Variants in OR4A15 observed in about 807,000 individuals in gnomAD.
OR4A15 encodes olfactory receptor family 4 subfamily A member 15, also known as olfactory receptor 4A15.
For synonymous variants in OR4A15, 240 were observed against 135.6 expected, an observed-to-expected ratio of 1.77 and a Z score of -5.35; for missense variants, 657 against 374.7, an observed-to-expected ratio of 1.75 and a Z score of -6.22.
At position 55,368,746 on chromosome 11, in the gene OR4A15, G is replaced by T. The variant is rs1316461406; in HGVS notation, c.773G>T (p.Arg258Met). The T allele has an allele frequency of 3.1e-6, 5 of 1,613,606 alleles. No individual in the cohort carries two copies. The African/African-American group carries it at 6.7e-5, about 22-fold the overall frequency. Reference sequence around the variant, plus strand: ...GTCCCCTGTATCTTCTTGTATGCAAGGCCCAATTCTACTTTTCCCATTGAT... The same window carrying T: ...GTCCCCTGTATCTTCTTGTATGCAATGCCCAATTCTACTTTTCCCATTGAT... The change falls in exon 1 of 1, where the codon AGG (arginine) becomes ATG (methionine). Residue 258 changes from arginine (R) to methionine (M), a missense_variant. By Grantham distance (91) the Arg-to-Met change is moderately conservative. Transcript: ENST00000641526.
exon 1 of OR4A15, chr11:55,368,162 T>C: frequency 6.2e-7 from 1 of 1,612,982 alleles, no homozygotes; most frequent in Non-Finnish European, 8.5e-7. Flanking sequence ...TTCTGGCTTC[T>C]TTATCATTCA....
At chr11:55,367,991 T>C (rs375132463) in exon 1 of OR4A15, 2 of 1,613,256 alleles carry the variant, frequency 1.2e-6, no homozygotes, top group African/African-American at 1.3e-5. Flanking sequence ...ATAAGAACAA[T>C]GTGACTGAAT....
chr11:55,368,081 G>A lies in OR4A15; in HGVS notation c.108G>A (p.Thr36=), dbSNP rs1262294062. 3.7e-6 allele frequency: 6 copies of A among 1,613,194 alleles called. No homozygotes were observed. In the African/African-American group the frequency reaches 4.0e-5, roughly 11 times the overall value. Reference sequence around the variant, plus strand: ...CATTCTTACTAATCTACATGGTGACGATAATGGGCAACCTGCTTATCATAG... The same window carrying A: ...CATTCTTACTAATCTACATGGTGACAATAATGGGCAACCTGCTTATCATAG... The change falls in exon 1 of 1, where the codon ACG becomes ACA. Residue 36 remains threonine, a synonymous_variant. Coordinates refer to ENST00000641526, the Ensembl canonical transcript of OR4A15.
At chr11:55,368,121 A>T (rs1243843930) in exon 1 of OR4A15, 5 of 1,612,908 alleles carry the variant, frequency 3.1e-6, no homozygotes, top group Non-Finnish European at 3.4e-6. Context: ...CATCATGGCC[A>T]GCCAGTCCCT....
chr11:55,368,828 T>G lies in OR4A15; in HGVS notation c.855T>G (p.Tyr285Ter). 1.9e-6 allele frequency: 3 copies of G among 1,612,906 alleles called. No homozygotes were observed. Among genetic ancestry groups the G allele is most frequent in the Non-Finnish European group, 2.5e-6 (3 of 1,179,128 alleles). ...CTCCCATGCTGAACCCACTAATCTA[T>G]ACCCTGAAGAATGCAGAAATGAAAA... The change falls in exon 1 of 1, where the codon TAT becomes TAG. Residue 285 changes from tyrosine (Y) to a stop codon, truncating the protein, a stop_gained. Transcript: ENST00000641526. LOFTEE classifies it low-confidence loss of function (END_TRUNC).
At chr11:55,368,858 C>T (rs776736667) in exon 1 of OR4A15, 11 of 1,611,256 alleles carry the variant, frequency 6.8e-6, no homozygotes, top group African/African-American at 2.7e-5. Context: ...TGAAAAGTGC[C>T]ATGAGGAAAC....
At chr11:55,368,225 C>T (rs771337302) in exon 1 of OR4A15, 26 of 1,613,626 alleles carry the variant, frequency 1.6e-5, no homozygotes, top group Non-Finnish European at 2.0e-5. Context: ...TTGACTTGCT[C>T]TCTGAGAAAA....
At chr11:55,368,314 T>C in exon 1 of OR4A15, 2 of 1,613,730 alleles carry the variant, frequency 1.2e-6, no homozygotes, top group Non-Finnish European at 1.7e-6. Context: ...ATTCTTCTGG[T>C]GGTAATGGCC....
exon 1 of OR4A15, chr11:55,368,740 A>T: frequency 6.2e-7 from 1 of 1,613,726 alleles, no homozygotes; most frequent in Non-Finnish European, 8.5e-7. Flanking sequence ...ATCTTCTTGT[A>T]TGCAAGGCCC....
rs149238692 is a variant in OR4A15 at position 55,368,857 on chromosome 11, C to T, written c.884C>T (p.Ala295Val). ...CTGAAGAATGCAGAAATGAAAAGTGCCATGAGGAAACTTTGGAGTAAAAAA... is the reference window on the plus strand; with the variant it reads ...CTGAAGAATGCAGAAATGAAAAGTGTCATGAGGAAACTTTGGAGTAAAAAA... The change falls in exon 1 of 1, where the codon GCC (alanine) becomes GTC (valine). Residue 295 changes from alanine (A) to valine (V), a missense_variant. By Grantham distance (64) the Ala-to-Val change is moderately conservative (BLOSUM62 0). Transcript: ENST00000641526. 8.6e-4 allele frequency: 1,379 copies of T among 1,611,132 alleles called. 1 individual carries two copies. The highest frequency in any genetic ancestry group is 9.7e-4 in the Non-Finnish European group (1,145 of 1,178,888).
rs751294933 is a variant in OR4A15, at chr11:55,368,613, C to A, written c.640C>A (p.Leu214Ile). Residue 214 changes from leucine (L) to isoleucine (I), a missense_variant, in exon 1 of 1, where the codon CTT (leucine) becomes ATT (isoleucine). Physicochemically the swap from Leu to Ile is conservative, Grantham distance 5 (BLOSUM62 2). Coordinates refer to ENST00000641526, the Ensembl canonical transcript of OR4A15. The stretch of plus-strand genomic sequence containing the variant: ...TGCTGTCACCTTCTTCACTATCCTG[C>A]TTTCCTATGGGGTCATATTACACTC... 32 of 1,613,568 alleles carry A rather than the reference C, an allele frequency of 2.0e-5. No individual in the cohort carries two copies. The highest frequency in any genetic ancestry group is 2.7e-5 in the Non-Finnish European group (32 of 1,179,884).
chr11:55,368,055 A>G (rs369287965), exon 1 of OR4A15: 2 of 1,613,470 alleles, frequency 1.2e-6, no homozygotes, highest in East Asian at 2.2e-5. Flanking sequence ...TTTATTTGTC[A>G]CATTCTTACT....
Position 55,368,697 on chromosome 11 carries a change from G to T in OR4A15, c.724G>T (p.Val242Phe). 1.9e-6 allele frequency: 3 copies of T among 1,613,564 alleles called. No individual in the cohort carries two copies. Among genetic ancestry groups the T allele is most frequent in the Admixed American group, 1.7e-5 (1 of 59,924 alleles). The change falls in exon 1 of 1, where the codon GTC (valine) becomes TTC (phenylalanine). Residue 242 changes from valine to phenylalanine, a missense_variant. By Grantham distance (50) the Val-to-Phe change is conservative. Transcript: ENST00000641526. The stretch of plus-strand genomic sequence containing the variant: ...AGCTTTCTACACCTGTGCATCCCAC[G>T]TCACTGTGGTCATTTTATTCTTTGT...
At chr11:55,368,141 C>G in exon 1 of OR4A15, 1 of 1,612,800 alleles carries the variant, frequency 6.2e-7, no homozygotes, top group Non-Finnish European at 8.5e-7. Flanking sequence ...TGGGTTCCCC[C>G]ATGTACTTTT....
chr11:55,368,389 G>A, exon 1 of OR4A15: 1 of 1,613,718 alleles, frequency 6.2e-7, no homozygotes, highest in Non-Finnish European at 8.5e-7. Flanking sequence ...CGTCGAGTCT[G>A]TGTTCTTATG....
chr11:55,368,066 A>C (rs756692673), exon 1 of OR4A15: 2 of 1,613,520 alleles, frequency 1.2e-6, no homozygotes, highest in African/African-American at 1.3e-5. Context: ...CATTCTTACT[A>C]ATCTACATGG....
rs1362522459 is a variant in OR4A15 at position 55,368,499 on chromosome 11, C to A, written c.526C>A (p.Leu176Met). 4 of 1,612,164 alleles carry A rather than the reference C, an allele frequency of 2.5e-6. No individual in the cohort carries two copies. In the South Asian group the frequency reaches 4.4e-5, roughly 18 times the overall value. Residue 176 changes from leucine to methionine, a missense_variant, in exon 1 of 1, where the codon CTG becomes ATG. By Grantham distance (15) the Leu-to-Met change is conservative (BLOSUM62 2). Transcript: ENST00000641526. ...TGGACCCAATGTCATTGACAACTTC[C>A]TGTGTGATTTGTATCCCTTATTGAA...
At chr11:55,368,537 C>A (rs761473170) in exon 1 of OR4A15, 3 of 1,613,242 alleles carry the variant, frequency 1.9e-6, no homozygotes, top group South Asian at 1.1e-5. Context: ...TTGCTTGCAC[C>A]AATACCTATG....
exon 1 of OR4A15, chr11:55,368,814 A>G (rs1853895723): frequency 1.2e-6 from 2 of 1,613,364 alleles, no homozygotes; most frequent in African/African-American, 2.7e-5. Context: ...TCCCATGCTG[A>G]ACCCACTAAT....
Sources: gnomAD v4.1 joint callset for allele counts on GRCh38, gnomAD v4.1.1 for gene constraint, MANE v1.5 for transcripts, NCBI Gene and HGNC (gene_info 2026-07-23, HGNC 2026-07-21) for gene names.